Variants in MNAT1 observed in about 807,000 individuals in gnomAD.
MNAT1 encodes the protein MNAT1 component of CDK activating kinase.
In MNAT1, 43 loss-of-function variants were observed where a neutral mutation model predicts 42.0. The ratio of observed to expected loss-of-function variants is 1.02; its 90% confidence interval spans 0.80 to 1.32. The LOEUF (loss-of-function observed/expected upper bound fraction) is 1.32. MNAT1 is among the 40% of genes most tolerant of loss of function. The pLI is 0.00. For synonymous variants in MNAT1, 118 were observed against 120.0 expected (o/e 0.98, Z 0.11); for missense variants, 306 against 350.4 (o/e 0.87, Z 1.01).
intron 7 of MNAT1, among the ~76,000 whole-genome samples, chr14:60,929,167 AAAAATAT>A (rs1404494325): frequency 1.3e-4 from 12 of 90,978 alleles, no homozygotes; most frequent in African/African-American, 4.3e-4. Context: ...AAAAAAAAAA[AAAAATAT>A]ATATATATAT....
intron 7 of MNAT1, among the ~76,000 whole-genome samples, chr14:60,960,531 C>A (rs985711544): frequency 2.0e-5 from 3 of 152,214 alleles, no homozygotes; most frequent in Admixed American, 1.3e-4. Flanking sequence ...CATTCCTCAT[C>A]ACCATGCATA....
chr14:60,928,047 G>A (rs1187276899), intron 7 of MNAT1, among the ~76,000 whole-genome samples: 1 of 152,152 alleles, frequency 6.6e-6, no homozygotes, highest in Non-Finnish European at 1.5e-5. Flanking sequence ...CCCATCACCA[G>A]ACTTGGGCAA....
intron 1 of MNAT1, among the ~76,000 whole-genome samples, chr14:60,741,658 G>GTTTTTTTTTTTT (rs3049888): frequency 1.1e-3 from 98 of 91,918 alleles, no homozygotes; most frequent in East Asian, 1.9e-3. Flanking sequence ...TGCGCCTGGG[G>GTTTTTTTTTTTT]TTTTTTTTTT....
At chr14:60,938,572 G>T (rs906211911) in intron 7 of MNAT1, among the ~76,000 whole-genome samples, 2 of 152,182 alleles carry the variant, frequency 1.3e-5, no homozygotes, top group Non-Finnish European at 2.9e-5. Context: ...TCCCAGGAAT[G>T]AAGCCCACTT....
intron 7 of MNAT1, among the ~76,000 whole-genome samples, chr14:60,892,256 C>T (rs950073155): frequency 2.0e-5 from 3 of 151,966 alleles, no homozygotes; most frequent in Non-Finnish European, 4.4e-5. Context: ...GTATTGAAGG[C>T]TTTAACTATT....
chr14:60,769,219 T>C (rs2030956233), intron 1 of MNAT1, among the ~76,000 whole-genome samples: 1 of 152,182 alleles, frequency 6.6e-6, no homozygotes, highest in African/African-American at 2.4e-5. Flanking sequence ...CAGTATACTA[T>C]TTAGTTGTGG....
intron 1 of MNAT1, among the ~76,000 whole-genome samples, chr14:60,771,396 G>A (rs1478505914): frequency 6.6e-6 from 1 of 152,052 alleles, no homozygotes; most frequent in East Asian, 1.9e-4. Context: ...TCTCCCTTCT[G>A]TTACTTCTTT....
chr14:60,829,232 T>C (rs1340257852), intron 6 of MNAT1, among the ~76,000 whole-genome samples: 1 of 152,086 alleles, frequency 6.6e-6, no homozygotes. Context: ...AAAGACACCA[T>C]TTTGGAGACT....
At chr14:60,739,186 T>G (rs9672053) in intron 1 of MNAT1, among the ~76,000 whole-genome samples, 143,959 of 152,070 alleles carry the variant, frequency 0.95, 68,423 homozygotes, top group Non-Finnish European at 0.99. Context: ...GAGAGATGGA[T>G]GGGAGAAGAG....
At chr14:60,822,692 C>A (rs879812348) in intron 6 of MNAT1, among the ~76,000 whole-genome samples, 1 of 151,532 alleles carries the variant, frequency 6.6e-6, no homozygotes, top group African/African-American at 2.4e-5. Context: ...TCTTGGAACG[C>A]CTCAGCCTTC....
intron 7 of MNAT1, among the ~76,000 whole-genome samples, chr14:60,928,547 G>A (rs963838793): frequency 6.6e-6 from 1 of 151,998 alleles, no homozygotes; most frequent in Non-Finnish European, 1.5e-5. Flanking sequence ...CCATTGTTGC[G>A]AGTAAAAATT....
chr14:60,889,761 A>T (rs927962550), intron 7 of MNAT1, among the ~76,000 whole-genome samples: 2 of 152,172 alleles, frequency 1.3e-5, no homozygotes, highest in Non-Finnish European at 2.9e-5. Context: ...GCAAGAAAAA[A>T]CAAACAACCC....
chr14:60,944,756 G>T (rs1354751977), intron 7 of MNAT1, among the ~76,000 whole-genome samples: 2 of 152,082 alleles, frequency 1.3e-5, no homozygotes, highest in African/African-American at 2.4e-5. Context: ...CAAGATTTTG[G>T]TAAGCGAGGC....
chr14:60,895,600 G>T (rs1420479339), intron 7 of MNAT1, among the ~76,000 whole-genome samples: 1 of 151,966 alleles, frequency 6.6e-6, no homozygotes, highest in Non-Finnish European at 1.5e-5. Context: ...CCTACAAAGG[G>T]AACTAGTTTA....
intron 6 of MNAT1, among the ~76,000 whole-genome samples, chr14:60,841,177 C>T (rs1005439091): frequency 1.6e-4 from 24 of 151,602 alleles, no homozygotes; most frequent in Non-Finnish European, 2.5e-4. Context: ...TTTTCCCTTT[C>T]CCTCCCTTTG....
intron 6 of MNAT1, among the ~76,000 whole-genome samples, chr14:60,848,939 A>T (rs1366096984): frequency 6.6e-6 from 1 of 152,192 alleles, no homozygotes; most frequent in Non-Finnish European, 1.5e-5. Flanking sequence ...GGACTATGTC[A>T]CTGTCAAGTA....
chr14:60,940,667 T>G (rs765325057), intron 7 of MNAT1, among the ~76,000 whole-genome samples: 5 of 152,172 alleles, frequency 3.3e-5, no homozygotes, highest in African/African-American at 4.8e-5. Context: ...TCTGCCCGCC[T>G]TGGTCCCCCA....
intron 7 of MNAT1, among the ~76,000 whole-genome samples, chr14:60,959,746 C>G (rs2036553927): frequency 6.6e-6 from 1 of 152,100 alleles, no homozygotes; most frequent in South Asian, 2.1e-4. Context: ...AATTATTGTT[C>G]TTTGTGAAGA....
chr14:60,786,393 A>C (rs1293673226), intron 1 of MNAT1, among the ~76,000 whole-genome samples: 1 of 152,090 alleles, frequency 6.6e-6, no homozygotes, highest in African/African-American at 2.4e-5. Context: ...CTTTGAGTTC[A>C]TTTGTTCATT....
Sources: allele counts gnomAD v4.1 joint callset (sites outside exome capture counted in the v4.1 genomes callset), GRCh38; gene constraint gnomAD v4.1.1; transcripts MANE v1.5; gene names NCBI Gene and HGNC (gene_info 2026-07-23, HGNC 2026-07-21).